The following CACNB4 variants were observed in gnomAD, a reference collection of about 807,000 sequenced individuals.
The protein encoded by CACNB4 is calcium voltage-gated channel auxiliary subunit beta 4.
CACNB4 carries 32 observed loss-of-function variants against 71.2 expected under a neutral mutation model. The ratio of observed to expected loss-of-function variants is 0.45; its 90% confidence interval spans 0.34 to 0.60. The LOEUF is 0.60. Ranked by LOEUF, CACNB4 falls within the 20% of genes least tolerant of loss-of-function variation. The pLI, the probability that CACNB4 is intolerant of heterozygous loss-of-function variation, is 0.01. For synonymous variants in CACNB4, 231 were observed against 236.9 expected, an observed-to-expected ratio of 0.97 and a Z score of 0.23; for missense variants, 464 against 647.9, an observed-to-expected ratio of 0.72 and a Z score of 3.08.
chr2:151,932,866 G>T (rs1434672648), intron 2 of CACNB4, among the ~76,000 whole-genome samples: 1 of 150,552 alleles, frequency 6.6e-6, no homozygotes, highest in Non-Finnish European at 1.5e-5. Context: ...GGGGAATTTG[G>T]ACACAGGGAC....
At chr2:151,993,962 A>G (rs763764516) in intron 2 of CACNB4, among the ~76,000 whole-genome samples, 1 of 151,594 alleles carries the variant, frequency 6.6e-6, no homozygotes, top group Non-Finnish European at 1.5e-5. Context: ...GCTTGAGCCC[A>G]GGAGTTTGAG....
chr2:152,010,777 G>A (rs1005088951), intron 2 of CACNB4, among the ~76,000 whole-genome samples: 14 of 152,286 alleles, frequency 9.2e-5, no homozygotes, highest in Admixed American at 1.3e-4. Context: ...ATGATGGCCC[G>A]GCGGCGTTTG....
In CACNB4 at chr2:152,045,958, T is replaced by C. The variant is rs923999300; in HGVS notation, c.147+52372A>G. ...ATAAATGAGCTAGAATGTAGGCAGA[T>C]TGGAAATCAACAAGTCTTGGTCCTT... On this transcript the variant is annotated intron_variant, in intron 2 of 13. Transcript: ENST00000539935. 7.2e-5 allele frequency among the ~76,000 whole-genome samples: 11 copies of C among 152,286 alleles called. No individual in the cohort carries two copies. In the East Asian group the frequency reaches 1.5e-3, roughly 21 times the overall value.
At chr2:151,931,406 A>G (rs908465374) in intron 2 of CACNB4, among the ~76,000 whole-genome samples, 1 of 152,180 alleles carries the variant, frequency 6.6e-6, no homozygotes, top group Non-Finnish European at 1.5e-5. Flanking sequence ...ACTGTGTTCT[A>G]ATTATTTTTC....
At position 151,838,447 on chromosome 2, in the gene CACNB4, A is replaced by G. The variant is rs918446740; in HGVS notation, c.*672T>C. 3.3e-5 allele frequency: 5 copies of G among 152,660 alleles called. No individual in the cohort carries two copies. Among genetic ancestry groups the G allele is most frequent in the African/African-American group, 1.2e-4 (5 of 41,466 alleles). 9.5% of individuals were successfully genotyped at this position (152,660 alleles called of 1,614,324 possible). ...GCTGTGCCAGGAAAGAAATAAAAAT[A>G]TTAAAATCTGAGGAGACTATATAAT... On this transcript the variant is annotated 3_prime_UTR_variant, in exon 14 of 14. Transcript: ENST00000539935.
intron 2 of CACNB4, among the ~76,000 whole-genome samples, chr2:151,925,371 C>T (rs1252375039): frequency 6.6e-6 from 1 of 152,166 alleles, no homozygotes; most frequent in Non-Finnish European, 1.5e-5. Flanking sequence ...GAAACAATTT[C>T]TGAACGTCCT....
intron 2 of CACNB4, among the ~76,000 whole-genome samples, chr2:151,893,667 T>C (rs1212532252): frequency 1.3e-5 from 2 of 152,076 alleles, no homozygotes; most frequent in Non-Finnish European, 2.9e-5. Context: ...TAACAGAAAC[T>C]ATGCTAAAGT....
rs777773586 is a variant in CACNB4 at position 152,098,285 on chromosome 2, C to T, written c.147+45G>A. 20 of 1,504,422 alleles carry T rather than the reference C, an allele frequency of 1.3e-5. No individual in the cohort carries two copies. The highest frequency in any genetic ancestry group is 6.9e-5 in the African/African-American group (5 of 72,596). 93.2% of individuals were successfully genotyped at this position (1,504,422 alleles called of 1,614,324 possible). Reference sequence around the variant, plus strand: ...CCGGCTCCAGGACCCCCGCGCCGCGCGCTCGGCCTCCTCCCCATCCTGGTC... The same window carrying T: ...CCGGCTCCAGGACCCCCGCGCCGCGTGCTCGGCCTCCTCCCCATCCTGGTC... On this transcript the variant is annotated intron_variant, in intron 2 of 13. Coordinates refer to ENST00000539935, the MANE Select transcript of CACNB4 (RefSeq NM_000726.5). This position sits in a 1 kb window ranked among gnomAD's most constrained non-coding sequence, Gnocchi z 5.3.
At chr2:151,923,055 GGACTT>G in intron 2 of CACNB4, among the ~76,000 whole-genome samples, 1 of 152,316 alleles carries the variant, frequency 6.6e-6, no homozygotes, top group South Asian at 2.1e-4. Context: ...GGCTCATTGC[GGACTT>G]GTCTGAATGG....
In CACNB4 at chr2:151,956,843, G is replaced by A. The variant is rs62175750; in HGVS notation, c.148-73473C>T. Among the ~76,000 whole-genome samples the A allele has an allele frequency of 1.0e-3, 153 of 152,130 alleles. 1 individual carries two copies. Among genetic ancestry groups the A allele is most frequent in the Non-Finnish European group, 1.9e-3 (126 of 68,040 alleles). On this transcript the variant is annotated intron_variant, in intron 2 of 13. Transcript: ENST00000539935. ...TCTCATCATATTCTGGCTCTTTTAA[G>A]AATACAGACCTTTTAATTTCCAGCC...
intron 2 of CACNB4, among the ~76,000 whole-genome samples, chr2:152,082,300 T>C (rs1687400291): frequency 6.6e-6 from 1 of 152,232 alleles, no homozygotes; most frequent in Non-Finnish European, 1.5e-5. Flanking sequence ...TAAAAGAATG[T>C]CCTTATCTGA....
At chr2:152,090,173 C>T (rs934278237) in intron 2 of CACNB4, among the ~76,000 whole-genome samples, 2 of 152,152 alleles carry the variant, frequency 1.3e-5, no homozygotes, top group African/African-American at 2.4e-5. Context: ...TTTGAGTGGC[C>T]AAAGGAAGGC....
At chr2:152,047,759 C>A (rs1429458594) in intron 2 of CACNB4, among the ~76,000 whole-genome samples, 1 of 152,104 alleles carries the variant, frequency 6.6e-6, no homozygotes, top group African/African-American at 2.4e-5. Flanking sequence ...ATTAGCTGGG[C>A]ATGGTGGCAG....
intron 2 of CACNB4, among the ~76,000 whole-genome samples, chr2:152,061,659 A>G (rs796251978): frequency 5.3e-5 from 8 of 150,698 alleles, no homozygotes; most frequent in African/African-American, 1.9e-4. Flanking sequence ...AAAAAAAGTT[A>G]TGAATGTTTC....
intron 2 of CACNB4, among the ~76,000 whole-genome samples, chr2:152,035,384 A>G (rs1045956931): frequency 4.6e-5 from 7 of 152,202 alleles, no homozygotes; most frequent in African/African-American, 1.7e-4. Context: ...AACATGGAGA[A>G]ACCCCATCTC....
intron 2 of CACNB4, among the ~76,000 whole-genome samples, chr2:151,983,615 C>T (rs2099875091): frequency 6.7e-6 from 1 of 149,662 alleles, no homozygotes; most frequent in South Asian, 2.1e-4. Flanking sequence ...AATCAAGGAC[C>T]TCTTATATTT....
chr2:151,842,582 C>T (rs1364338943), intron 12 of CACNB4, among the ~76,000 whole-genome samples: 1 of 152,192 alleles, frequency 6.6e-6, no homozygotes, highest in South Asian at 2.1e-4. Context: ...GATCCACCTG[C>T]CTTGGCTCCC....
chr2:151,914,694 C>T (rs1474968334), intron 2 of CACNB4, among the ~76,000 whole-genome samples: 1 of 152,010 alleles, frequency 6.6e-6, no homozygotes, highest in Non-Finnish European at 1.5e-5. Context: ...ATTGTTGTGG[C>T]TTTCTGCTTG....
At chr2:151,991,620 A>G (rs1489208749) in intron 2 of CACNB4, among the ~76,000 whole-genome samples, 1 of 152,246 alleles carries the variant, frequency 6.6e-6, no homozygotes, top group East Asian at 1.9e-4. Flanking sequence ...AAGCATAACC[A>G]TAGGAATGCA....
Sources: gnomAD v4.1 joint callset for allele counts (sites outside exome capture counted in the v4.1 genomes callset) on GRCh38, gnomAD v4.1.1 for gene constraint, Gnocchi (gnomAD v3.1) non-coding constraint, MANE v1.5 for transcripts, NCBI Gene and HGNC (gene_info 2026-07-23, HGNC 2026-07-21) for gene names.